Variants in DYRK2 observed in about 807,000 individuals in gnomAD.
DYRK2 encodes the protein dual specificity tyrosine phosphorylation regulated kinase 2.
DYRK2 carries 12 observed loss-of-function variants against 41.6 expected under a neutral mutation model. That is an observed-to-expected ratio of 0.29 (90% CI 0.18 to 0.47). The LOEUF (loss-of-function observed/expected upper bound fraction) is 0.47, where lower values mean the gene tolerates loss of function less well. Ranked by LOEUF, DYRK2 falls within the 20% of genes least tolerant of loss-of-function variation. The pLI is 1.00. For missense variants in DYRK2, 678 were observed against 798.4 expected (o/e 0.85, Z 1.82); for synonymous variants, 322 against 315.7 (o/e 1.02, Z -0.21).
In DYRK2 at chr12:67,658,745, GAT is replaced by G. The variant is rs1331763915; in HGVS notation, c.*34_*35del. The G allele has an allele frequency of 6.4e-7, 1 of 1,567,426 alleles. No homozygotes were observed. The highest frequency in any genetic ancestry group is 1.4e-5 in the African/African-American group (1 of 73,634). On this transcript the variant is annotated 3_prime_UTR_variant, in exon 3 of 3. Transcript: ENST00000344096. This position sits in a 1 kb window ranked among gnomAD's most constrained non-coding sequence, Gnocchi z 4.3. ...GTCCCCTGATGCTGGTAACCTGAAA[GAT>G]ACGACATTGCTGAGCCTTACTGGGT... is the stretch of plus-strand genomic sequence containing the variant.
At chr12:67,651,322 C>T in intron 2 of DYRK2, 1 of 250,936 alleles carries the variant, frequency 4.0e-6, no homozygotes, top group Non-Finnish European at 7.9e-6. Flanking sequence ...ATATAATACC[C>T]AGTTTTTTGC....
Position 67,658,235 on chromosome 12 carries a change from A to G in DYRK2, c.1328A>G (p.Gln443Arg), listed in dbSNP as rs1442442913. Residue 443 changes from glutamine (Q) to arginine (R), a missense_variant, in exon 3 of 3, where the codon CAG becomes CGG. This residue lies in a region of DYRK2 where 393 missense variants were observed against 519.1 expected (regional missense o/e 0.76). Transcript: ENST00000344096. This position sits in a 1 kb window ranked among gnomAD's most constrained non-coding sequence, Gnocchi z 4.3. ...ATTGAACTGTTGGGCATGCCCTCAC[A>G]GAAACTGCTGGATGCATCCAAACGA... Reference protein sequence around the residue: ...CMIELLGMPSQKLLDASKRAK... With the variant: ...CMIELLGMPSRKLLDASKRAK... 2.5e-6 allele frequency: 4 copies of G among 1,614,104 alleles called. No individual in the cohort carries two copies. The highest frequency in any genetic ancestry group is 3.4e-6 in the Non-Finnish European group (4 of 1,180,054).
chr12:67,657,167 A>G lies in DYRK2; in HGVS notation c.260A>G (p.Gln87Arg). 4 of 1,609,222 alleles carry G rather than the reference A, an allele frequency of 2.5e-6. No individual in the cohort carries two copies. The East Asian group carries it at 8.9e-5, about 36-fold the overall frequency. Residue 87 changes from glutamine (Q) to arginine (R), a missense_variant, in exon 3 of 3, where the codon CAG becomes CGG. Coordinates refer to ENST00000344096, the MANE Select transcript of DYRK2 (RefSeq NM_006482.3). The surrounding 1 kb of genome is among the most constrained non-coding windows in gnomAD (Gnocchi z 4.8). ...CATGTCGGCAGCCACGCTCACGGAC[A>G]GATCCAGGTTCAACAGTTGTTTGAG... ...HLHVGSHAHG[Q>R]IQVQQLFEDN...
rs1872568648 is a variant in DYRK2 at position 67,659,440 on chromosome 12, G to A, written c.*727G>A. 1 of 167,070 alleles carries A rather than the reference G, an allele frequency of 6.0e-6. No individual in the cohort carries two copies. The highest frequency in any genetic ancestry group is 2.1e-4 in the South Asian group (1 of 4,832). The allele number at this position is 167,070 out of a possible 1,614,324, so 10.3% of individuals were successfully genotyped here. On this transcript the variant is annotated 3_prime_UTR_variant, in exon 3 of 3. Transcript: ENST00000344096. The stretch of plus-strand genomic sequence containing the variant: ...TTGTAAAGAAGCCTCATATTACAGA[G>A]TTGCTTTTGCACCTAAATTTAGAAT...
Position 67,663,029 on chromosome 12 carries a change from T to C in DYRK2, c.*4316T>C, listed in dbSNP as rs1016981141. ...TTAACCTTCACAATGATAGTTAAGC[T>C]GGGGGAGCAGAACCTGTCAATTATT... On this transcript the variant is annotated 3_prime_UTR_variant, in exon 3 of 3. Transcript: ENST00000344096. 2 of 152,138 alleles carry C rather than the reference T, an allele frequency of 1.3e-5. No individual in the cohort carries two copies. Among genetic ancestry groups the C allele is most frequent in the Non-Finnish European group, 2.9e-5 (2 of 67,982 alleles). The allele number at this position is 152,138 out of a possible 1,614,324, so 9.4% of individuals were successfully genotyped here.
In DYRK2 at chr12:67,657,450, A is replaced by G; in HGVS notation, c.543A>G (p.Ile181Met). 1.2e-6 allele frequency: 2 copies of G among 1,614,190 alleles called. No individual in the cohort carries two copies. Among genetic ancestry groups the G allele is most frequent in the Non-Finnish European group, 8.5e-7 (1 of 1,180,022 alleles). Reference sequence around the variant, plus strand: ...ATGAGATTTTCAGCTACCCTGAAATATATTTCTTGGGTCTAAATGCTAAGA... The same window carrying G: ...ATGAGATTTTCAGCTACCCTGAAATGTATTTCTTGGGTCTAAATGCTAAGA... ...EHHEIFSYPE[I>M]YFLGLNAKKR... The change falls in exon 3 of 3, where the codon ATA (isoleucine) becomes ATG (methionine). Residue 181 changes from isoleucine to methionine, a missense_variant. Physicochemically the swap from Ile to Met is conservative, Grantham distance 10. Around this residue, in one of 2 missense-constraint regions of DYRK2, gnomAD observed 285 missense variants for 279.2 expected, o/e 1.02. Transcript: ENST00000344096. The surrounding 1 kb of genome is among the most constrained non-coding windows in gnomAD (Gnocchi z 4.8).
rs1414590651 is a variant in DYRK2 at position 67,649,909 on chromosome 12, T to A, written c.162T>A (p.Pro54=). The A allele has an allele frequency of 7.2e-7, 1 of 1,381,120 alleles. No homozygotes were observed. The highest frequency in any genetic ancestry group is 1.5e-5 in the African/African-American group (1 of 65,858). The allele number at this position is 1,381,120 out of a possible 1,614,324, so 85.6% of individuals were successfully genotyped here. Residue 54 remains proline (P), a synonymous_variant, in exon 2 of 3, where the codon CCT becomes CCA. Coordinates refer to ENST00000344096, the MANE Select transcript of DYRK2 (RefSeq NM_006482.3). ...TGPPSPIALP[P]LRASNAAAAA... ...CGCCCTCCCCCATCGCCCTGCCGCC[T>A]CTCCGGGCCAGCAACGCTGCCGCCG...
chr12:67,649,298 G>A (rs992122848), intron 1 of DYRK2, 116 bp downstream of exon 1: 45 of 858,216 alleles, frequency 5.2e-5, no homozygotes, highest in Middle Eastern at 4.0e-4. Context: ...GGCGCGGCGC[G>A]GGGGAGCCCC....
intron 1 of DYRK2, 139 bp from the exon 2 acceptor site, chr12:67,649,658 G>T (rs1423702830): frequency 7.1e-6 from 7 of 990,866 alleles, no homozygotes; most frequent in Non-Finnish European, 9.1e-6. Context: ...TGACCCGAAC[G>T]CCCGTTTTTA....
Position 67,663,676 on chromosome 12 carries a change from T to C in DYRK2, c.*4963T>C, listed in dbSNP as rs1340552431. The C allele has an allele frequency of 6.6e-6, 1 of 152,212 alleles. No homozygotes were observed. The highest frequency in any genetic ancestry group is 1.5e-5 in the Non-Finnish European group (1 of 68,016). 9.4% of individuals were successfully genotyped at this position (152,212 alleles called of 1,614,324 possible). ...TATGTACAAAATTGAAAATTGGTGC[T>C]AAAGTGGCAATGTCAATTTAAAATT... On this transcript the variant is annotated 3_prime_UTR_variant, in exon 3 of 3. Coordinates refer to ENST00000344096, the MANE Select transcript of DYRK2 (RefSeq NM_006482.3).
intron 2 of DYRK2, among the ~76,000 whole-genome samples, chr12:67,650,234 T>G (rs1872278896): frequency 6.6e-6 from 1 of 152,190 alleles, no homozygotes; most frequent in East Asian, 1.9e-4. Context: ...TTTCCTTCTT[T>G]CCTCATTTTT....
chr12:67,654,284 G>A lies in DYRK2; in HGVS notation c.199-2822G>A, dbSNP rs114386780. 4.7e-3 allele frequency among the ~76,000 whole-genome samples: 712 copies of A among 152,340 alleles called. 5 individuals carry two copies. The highest frequency in any genetic ancestry group is 0.016 in the African/African-American group (650 of 41,576). On this transcript the variant is annotated intron_variant, in intron 2 of 2. Transcript: ENST00000344096. ...GGAGAGAAGAGTGACAGTAGTTGATGAGAATGGAAGGACTCCGATCATTTA... is the reference window on the plus strand; with the variant it reads ...GGAGAGAAGAGTGACAGTAGTTGATAAGAATGGAAGGACTCCGATCATTTA...
At chr12:67,650,633 T>C (rs1872294483) in intron 2 of DYRK2, among the ~76,000 whole-genome samples, 1 of 152,214 alleles carries the variant, frequency 6.6e-6, no homozygotes, top group African/African-American at 2.4e-5. Context: ...ACCTAACAGG[T>C]GCTGTGGTCT....
rs1872527034 is a variant in DYRK2, at chr12:67,657,912, C to T, written c.1005C>T (p.Cys335=). The T allele has an allele frequency of 1.9e-6, 3 of 1,614,234 alleles. No homozygotes were observed. The highest frequency in any genetic ancestry group is 4.5e-5 in the East Asian group (2 of 44,886). The change falls in exon 3 of 3, where the codon TGC becomes TGT. Residue 335 remains cysteine (C), a synonymous_variant. Coordinates refer to ENST00000344096, the MANE Select transcript of DYRK2 (RefSeq NM_006482.3). The surrounding 1 kb of genome is among the most constrained non-coding windows in gnomAD (Gnocchi z 4.8). ...VRKFAHSILQ[C]LDALHKNRII... is the part of the protein sequence containing the mutation. ...AGTTTGCCCACTCGATTCTGCAGTG[C>T]TTGGATGCTTTGCACAAAAACAGAA...
Position 67,658,207 on chromosome 12 carries a change from A to G in DYRK2, c.1300A>G (p.Met434Val). Residue 434 changes from methionine to valine, a missense_variant, in exon 3 of 3, where the codon ATG becomes GTG. Coordinates refer to ENST00000344096, the MANE Select transcript of DYRK2 (RefSeq NM_006482.3). The surrounding 1 kb of genome is among the most constrained non-coding windows in gnomAD (Gnocchi z 4.3). ...GEDEGDQLAC[M>V]IELLGMPSQK... is the part of the protein sequence containing the mutation. ...AGATGAAGGGGACCAGCTGGCCTGT[A>G]TGATTGAACTGTTGGGCATGCCCTC... 6.2e-7 allele frequency: 1 copy of G among 1,614,190 alleles called. No individual in the cohort carries two copies. The highest frequency in any genetic ancestry group is 8.5e-7 in the Non-Finnish European group (1 of 1,180,040).
In DYRK2 at chr12:67,665,051, G is replaced by T. The variant is rs1253064365; in HGVS notation, c.*6338G>T. 2 of 151,796 alleles carry T rather than the reference G, an allele frequency of 1.3e-5. No homozygotes were observed. The highest frequency in any genetic ancestry group is 4.8e-5 in the African/African-American group (2 of 41,286). The allele number at this position is 151,796 out of a possible 1,614,324, so 9.4% of individuals were successfully genotyped here. On this transcript the variant is annotated 3_prime_UTR_variant, in exon 3 of 3. Coordinates refer to ENST00000344096, the MANE Select transcript of DYRK2 (RefSeq NM_006482.3). ...AATTTACTCAGGTTTCCTATCCTTT[G>T]CCTCCATATTTAAGAAAATATAGAA...
In DYRK2 at chr12:67,657,622, G is replaced by A. The variant is rs1872516209; in HGVS notation, c.715G>A (p.Ala239Thr). Residue 239 changes from alanine (A) to threonine (T), a missense_variant, in exon 3 of 3, where the codon GCC (alanine) becomes ACC (threonine). Around this residue, in one of 2 missense-constraint regions of DYRK2, gnomAD observed 393 missense variants for 519.1 expected, o/e 0.76. Transcript: ENST00000344096. The surrounding 1 kb of genome is among the most constrained non-coding windows in gnomAD (Gnocchi z 4.8). ...GGGGAGCTTTGGGCAGGTGGTCAAG[G>A]CCTACGATCACAAAGTCCACCAGCA... ...GKGSFGQVVK[A>T]YDHKVHQHVA... 7 of 1,613,844 alleles carry A rather than the reference G, an allele frequency of 4.3e-6. No individual in the cohort carries two copies. Among genetic ancestry groups the A allele is most frequent in the Non-Finnish European group, 5.1e-6 (6 of 1,180,024 alleles).
rs530691400 is a variant in DYRK2, at chr12:67,659,463, A to T, written c.*750A>T. On this transcript the variant is annotated 3_prime_UTR_variant, in exon 3 of 3. Transcript: ENST00000344096. ...GAGTTGCTTTTGCACCTAAATTTAGAATTGTATTCCATGAACTGTTCCTCC... is the reference window on the plus strand; with the variant it reads ...GAGTTGCTTTTGCACCTAAATTTAGTATTGTATTCCATGAACTGTTCCTCC... 5 of 167,126 alleles carry T rather than the reference A, an allele frequency of 3.0e-5. No homozygotes were observed. Among genetic ancestry groups the T allele is most frequent in the African/African-American group, 1.2e-4 (5 of 41,530 alleles). 10.4% of individuals were successfully genotyped at this position (167,126 alleles called of 1,614,324 possible).
rs757234288 is a variant in DYRK2, at chr12:67,657,089, T to G, written c.199-17T>G. 32 of 1,533,430 alleles carry G rather than the reference T, an allele frequency of 2.1e-5. No homozygotes were observed. In the East Asian group the frequency reaches 6.8e-4, roughly 33 times the overall value. The allele number at this position is 1,533,430 out of a possible 1,614,324, so 95.0% of individuals were successfully genotyped here. A position where few individuals can be genotyped will look rare whatever the true frequency, so the allele number is the denominator to read the frequency against. The stretch of plus-strand genomic sequence containing the variant: ...ACACCACTTCTTTTCTATTTATATT[T>G]CCTGTCTGAATTCCAGATTGGCGGC... On this transcript the variant is annotated splice_polypyrimidine_tract_variant and intron_variant, in intron 2 of 2. Transcript: ENST00000344096. This position sits in a 1 kb window ranked among gnomAD's most constrained non-coding sequence, Gnocchi z 4.8.
Sources: gnomAD v4.1 joint callset for allele counts (sites outside exome capture counted in the v4.1 genomes callset) on GRCh38, gnomAD v4.1.1 for gene constraint, gnomAD v4.1.1 regional missense constraint, Gnocchi (gnomAD v3.1) non-coding constraint, MANE v1.5 for transcripts, NCBI Gene and HGNC (gene_info 2026-07-23, HGNC 2026-07-21) for gene names.